THSD7B: variants seen among roughly 807,000 people sequenced by gnomAD.
THSD7B encodes thrombospondin type-1 domain-containing protein 7B.
A neutral mutation model predicts 213.6 loss-of-function variants in THSD7B; 138 were observed. The observed-to-expected ratio is 0.65, with a 90% CI of 0.56 to 0.74. THSD7B has a LOEUF of 0.74. Ranked by LOEUF, THSD7B falls within the 30% of genes least tolerant of loss-of-function variation. The pLI is 0.00. For missense variants in THSD7B, 1,931 were observed against 1,991.5 expected, an observed-to-expected ratio of 0.97 and a Z score of 0.58; for synonymous variants, 742 against 687.0, an observed-to-expected ratio of 1.08 and a Z score of -1.25.
chr2:137,670,920 C>CAA (rs530737012), intron 27 of THSD7B, among the ~76,000 whole-genome samples: 11 of 102,806 alleles, frequency 1.1e-4, no homozygotes, highest in African/African-American at 3.8e-4. Context: ...GACTCCGCCT[C>CAA]AAAAAAAAAA....
At chr2:136,804,375 G>A (rs1682245441) in intron 1 of THSD7B, among the ~76,000 whole-genome samples, 1 of 149,952 alleles carries the variant, frequency 6.7e-6, no homozygotes, top group Non-Finnish European at 1.5e-5. Flanking sequence ...TTAAGTGAAT[G>A]TACTGGAACT....
chr2:137,339,837 G>C (rs1176520846), intron 12 of THSD7B, among the ~76,000 whole-genome samples: 3 of 151,224 alleles, frequency 2.0e-5, no homozygotes, highest in Non-Finnish European at 4.4e-5. Context: ...ACTATGTAGA[G>C]AAGCAGCACT....
chr2:137,274,841 T>C (rs1682832008), intron 11 of THSD7B, among the ~76,000 whole-genome samples: 1 of 152,148 alleles, frequency 6.6e-6, no homozygotes, highest in African/African-American at 2.4e-5. Context: ...CTAAAATTAA[T>C]AGATGATTTC....
At position 137,656,966 on chromosome 2, in the gene THSD7B, A is replaced by G; in HGVS notation, c.4276A>G (p.Thr1426Ala). 4.3e-6 allele frequency: 7 copies of G among 1,613,874 alleles called. No individual in the cohort carries two copies. The highest frequency in any genetic ancestry group is 5.9e-6 in the Non-Finnish European group (7 of 1,179,794). Residue 1426 changes from threonine to alanine, a missense_variant, in exon 23 of 28, where the codon ACA becomes GCA. Coordinates refer to ENST00000409968, the MANE Select transcript of THSD7B (RefSeq NM_001316349.2). ...ACAGGTTCTAGAAACACGCCCTTGT[A>G]CAGGTACCAAGAGCACTTTTCAGTT... is the stretch of plus-strand genomic sequence containing the variant. ...PQQVLETRPCTGGKCYHYTWK... is the reference protein window; with the variant it reads ...PQQVLETRPCAGGKCYHYTWK...
chr2:137,003,932 T>C (rs1292996152), intron 2 of THSD7B, among the ~76,000 whole-genome samples: 1 of 152,216 alleles, frequency 6.6e-6, no homozygotes, highest in Non-Finnish European at 1.5e-5. Context: ...ACTATGTTAC[T>C]TTTTGGTGCT....
intron 5 of THSD7B, among the ~76,000 whole-genome samples, chr2:137,122,357 A>G (rs781161383): frequency 6.8e-5 from 9 of 131,404 alleles, no homozygotes; most frequent in Non-Finnish European, 1.2e-4. Context: ...CCAGTGAGAC[A>G]TGGGGACATA....
At chr2:137,326,031 C>T (rs1453343259) in intron 12 of THSD7B, among the ~76,000 whole-genome samples, 1 of 152,154 alleles carries the variant, frequency 6.6e-6, no homozygotes. Flanking sequence ...TGACTTGGAT[C>T]GGGTCACAGT....
rs1688209627 is a variant in THSD7B, at chr2:137,104,464, A to G, written c.1199+9343A>G. 4.2e-5 allele frequency among the ~76,000 whole-genome samples: 6 copies of G among 141,230 alleles called. No homozygotes were observed. In the Admixed American group the frequency reaches 4.5e-4, roughly 11 times the overall value. The allele number at this position is 141,230 out of a possible 152,430, so 92.7% of individuals were successfully genotyped here. The stretch of plus-strand genomic sequence containing the variant: ...AAAACCGACACCATAAGTGTCGAAC[A>G]TCACAAGTAAAAAGAACATCACAAG... On this transcript the variant is annotated intron_variant, in intron 4 of 27. Coordinates refer to ENST00000409968, the MANE Select transcript of THSD7B (RefSeq NM_001316349.2).
chr2:137,206,517 T>G (rs1403444684), intron 7 of THSD7B, among the ~76,000 whole-genome samples: 1 of 152,074 alleles, frequency 6.6e-6, no homozygotes, highest in East Asian at 1.9e-4. Context: ...ACTCAAGCAC[T>G]GATTTAATTG....
intron 2 of THSD7B, among the ~76,000 whole-genome samples, chr2:136,972,875 T>C (rs1333491329): frequency 6.6e-6 from 1 of 152,098 alleles, no homozygotes; most frequent in Non-Finnish European, 1.5e-5. Context: ...CAGACATGGG[T>C]AGTTTTATCT....
rs111603628 is a variant in THSD7B, at chr2:137,669,226, A to T, written c.4739+1365A>T. 9.9e-4 allele frequency among the ~76,000 whole-genome samples: 150 copies of T among 152,252 alleles called. 2 individuals carry two copies. Among genetic ancestry groups the T allele is most frequent in the Non-Finnish European group, 1.8e-3 (122 of 68,010 alleles). Reference sequence around the variant, plus strand: ...ATTCAAATTCAGCCATTGTCTATTAACCTCAAGTTCTGTTTCCAAGGCTAC... The same window carrying T: ...ATTCAAATTCAGCCATTGTCTATTATCCTCAAGTTCTGTTTCCAAGGCTAC... On this transcript the variant is annotated intron_variant, in intron 27 of 27. Coordinates refer to ENST00000409968, the MANE Select transcript of THSD7B (RefSeq NM_001316349.2).
chr2:137,268,863 C>T (rs1266474183), intron 10 of THSD7B, among the ~76,000 whole-genome samples: 1 of 152,122 alleles, frequency 6.6e-6, no homozygotes, highest in African/African-American at 2.4e-5. Flanking sequence ...TGCTCTATCT[C>T]AAGTGTACAC....
intron 15 of THSD7B, chr2:137,479,420 A>C (rs971015278): frequency 5.2e-5 from 17 of 324,978 alleles, no homozygotes; most frequent in African/African-American, 3.7e-4. Context: ...CCAGTGGTGC[A>C]TGCAGGTGCT....
chr2:137,448,800 AAAC>A (rs147631065), intron 14 of THSD7B, among the ~76,000 whole-genome samples: 26,971 of 144,812 alleles, frequency 0.19, 2,689 homozygotes, highest in Non-Finnish European at 0.21. Context: ...CTCCATCTCA[AAAC>A]AACAACAACA....
At chr2:137,227,186 T>C (rs1274379213) in intron 7 of THSD7B, among the ~76,000 whole-genome samples, 3 of 152,206 alleles carry the variant, frequency 2.0e-5, no homozygotes, top group Non-Finnish European at 2.9e-5. Flanking sequence ...TCAAAACAGT[T>C]AATTTTATGT....
At chr2:136,859,937 C>G (rs775455361) in intron 1 of THSD7B, among the ~76,000 whole-genome samples, 4 of 151,486 alleles carry the variant, frequency 2.6e-5, no homozygotes, top group Non-Finnish European at 5.9e-5. Context: ...GAAACCAAAT[C>G]ATTCCAGAAA....
At chr2:136,990,502 G>A (rs1685758727) in intron 2 of THSD7B, among the ~76,000 whole-genome samples, 1 of 152,192 alleles carries the variant, frequency 6.6e-6, no homozygotes, top group South Asian at 2.1e-4. Flanking sequence ...ATGCCAGGCA[G>A]GGAGCAGATG....
At chr2:137,459,575 G>A (rs1052460061) in intron 15 of THSD7B, among the ~76,000 whole-genome samples, 18 of 151,976 alleles carry the variant, frequency 1.2e-4, no homozygotes, top group African/African-American at 4.1e-4. Context: ...TGAGGCAGGA[G>A]AATTGCTTGA....
intron 3 of THSD7B, among the ~76,000 whole-genome samples, chr2:137,087,664 T>C (rs34267797): frequency 0.081 from 12,351 of 152,112 alleles, 687 homozygotes; most frequent in African/African-American, 0.16. Flanking sequence ...CACAAACAAA[T>C]GGAAACACAT....
Sources: allele counts gnomAD v4.1 joint callset (sites outside exome capture counted in the v4.1 genomes callset), GRCh38; gene constraint gnomAD v4.1.1; transcripts MANE v1.5; gene names NCBI Gene and HGNC (gene_info 2026-07-23, HGNC 2026-07-21).